ADAMTSL1: variants seen among roughly 807,000 people sequenced by gnomAD.
The protein encoded by ADAMTSL1 is ADAMTS like 1.
Under a neutral mutation model 201.8 loss-of-function variants are expected in ADAMTSL1, and 126 were observed. The ratio of observed to expected loss-of-function variants is 0.62; its 90% confidence interval spans 0.54 to 0.72. ADAMTSL1 has a LOEUF of 0.72. Ranked by LOEUF, ADAMTSL1 falls within the 30% of genes least tolerant of loss-of-function variation. ADAMTSL1 has a pLI of 0.00. For missense variants in ADAMTSL1, 2,679 were observed against 2,277.8 expected (o/e 1.18, Z -3.59); for synonymous variants, 1,121 against 903.4 (o/e 1.24, Z -4.32).
intron 1 of ADAMTSL1, among the ~76,000 whole-genome samples, chr9:17,927,465 G>A (rs912878590): frequency 6.6e-6 from 1 of 150,684 alleles, no homozygotes; most frequent in Non-Finnish European, 1.5e-5. Context: ...TGCATGCAGT[G>A]GAATATTTTA....
intron 1 of ADAMTSL1, among the ~76,000 whole-genome samples, chr9:18,475,963 A>G (rs1821429318): frequency 6.6e-6 from 1 of 152,152 alleles, no homozygotes; most frequent in African/African-American, 2.4e-5. Flanking sequence ...GTATTAGAGC[A>G]TATAATTTGA....
At position 18,684,744 on chromosome 9, in the gene ADAMTSL1, A is replaced by G. The variant is rs765299215; in HGVS notation, c.1518A>G (p.Pro506=). The change falls in exon 13 of 29, where the codon CCA becomes CCG. Residue 506 remains proline, a synonymous_variant. Transcript: ENST00000380548. ...AACTTCCAGTCGAGGCCAAGTTGCC[A>G]TGGTTCAAACAAGCTCAAGAGCTAG... is the stretch of plus-strand genomic sequence containing the variant. ...KEKLPVEAKL[P]WFKQAQELEE... is the part of the protein sequence containing the mutation. The G allele has an allele frequency of 5.0e-6, 8 of 1,613,244 alleles. No homozygotes were observed. Among genetic ancestry groups the G allele is most frequent in the South Asian group, 1.1e-5 (1 of 90,562 alleles).
chr9:18,245,753 G>A (rs1231376592), intron 2 of ADAMTSL1, among the ~76,000 whole-genome samples: 1 of 151,582 alleles, frequency 6.6e-6, no homozygotes, highest in Non-Finnish European at 1.5e-5. Flanking sequence ...AAGGAATCTG[G>A]TCTAAATTTT....
chr9:18,611,894 A>G (rs1825400271), intron 4 of ADAMTSL1, among the ~76,000 whole-genome samples: 1 of 152,168 alleles, frequency 6.6e-6, no homozygotes, highest in African/African-American at 2.4e-5. Context: ...TGTAGGTTGG[A>G]TGCAGAAAGA....
intron 13 of ADAMTSL1, among the ~76,000 whole-genome samples, chr9:18,689,233 T>C (rs1213537339): frequency 6.6e-6 from 1 of 152,190 alleles, no homozygotes; most frequent in Admixed American, 6.5e-5. Context: ...GTTTTAGTCT[T>C]GGTTGAGATG....
chr9:18,019,346 A>G (rs1181435585), intron 1 of ADAMTSL1, among the ~76,000 whole-genome samples: 2 of 152,090 alleles, frequency 1.3e-5, no homozygotes, highest in African/African-American at 4.8e-5. Context: ...AACAAATGAT[A>G]CTAAAATTAA....
At chr9:18,887,184 C>T (rs1828951497) in intron 23 of ADAMTSL1, among the ~76,000 whole-genome samples, 1 of 152,188 alleles carries the variant, frequency 6.6e-6, no homozygotes, top group African/African-American at 2.4e-5. Context: ...CGATTCTATG[C>T]TACAAAGTCT....
intron 2 of ADAMTSL1, among the ~76,000 whole-genome samples, chr9:18,364,558 A>G (rs1836684163): frequency 6.6e-6 from 1 of 152,210 alleles, no homozygotes; most frequent in African/African-American, 2.4e-5. Flanking sequence ...AGGTCCAATC[A>G]GTAAAAACAA....
At chr9:18,842,942 T>C (rs1825827303) in intron 23 of ADAMTSL1, among the ~76,000 whole-genome samples, 2 of 152,138 alleles carry the variant, frequency 1.3e-5, no homozygotes, top group Non-Finnish European at 2.9e-5. Context: ...GCGCGTGAGA[T>C]GGGTTTCCTG....
chr9:18,304,820 GA>G (rs1264986380), intron 2 of ADAMTSL1, among the ~76,000 whole-genome samples: 1 of 152,040 alleles, frequency 6.6e-6, no homozygotes, highest in Non-Finnish European at 1.5e-5. Flanking sequence ...TCTAAATTAG[GA>G]AAGTTTTTAC....
At chr9:18,283,916 TAAA>T (rs71333034) in intron 2 of ADAMTSL1, among the ~76,000 whole-genome samples, 1 of 26,626 alleles carries the variant, frequency 3.8e-5, no homozygotes, top group Non-Finnish European at 7.2e-5. Context: ...AGACTCCGTC[TAAA>T]AAAAAAAAAA....
At chr9:18,317,290 A>G (rs1834440271) in intron 2 of ADAMTSL1, among the ~76,000 whole-genome samples, 1 of 152,160 alleles carries the variant, frequency 6.6e-6, no homozygotes, top group Admixed American at 6.5e-5. Flanking sequence ...CCGTTATCAA[A>G]TCAACAAGTT....
chr9:18,049,616 A>C lies in ADAMTSL1; in HGVS notation c.88-114246A>C, dbSNP rs1390041493. 2.9e-5 allele frequency among the ~76,000 whole-genome samples: 4 copies of C among 136,468 alleles called. No homozygotes were observed. In the East Asian group the frequency reaches 8.0e-4, roughly 27 times the overall value. The allele number at this position is 136,468 out of a possible 152,430, so 89.5% of individuals were successfully genotyped here. On this transcript the variant is annotated intron_variant, in intron 1 of 29. Coordinates refer to the ADAMTSL1 transcript ENST00000680146. ...TGAGGCTTCCTGTCTTCGACTTCTT[A>C]TTCTTTTTTTTTTTTTTCTTTTTTT... is the stretch of plus-strand genomic sequence containing the variant.
In ADAMTSL1 at chr9:18,889,530, C is replaced by A; in HGVS notation, c.4463-38C>A. Reference sequence around the variant, plus strand: ...GGAATTCAGAGTGTGGGCAATTATGCTATATTCTTTTCTACACTGCTCCTC... The same window carrying A: ...GGAATTCAGAGTGTGGGCAATTATGATATATTCTTTTCTACACTGCTCCTC... On this transcript the variant is annotated intron_variant, in intron 24 of 28. Coordinates refer to ENST00000380548, the MANE Select transcript of ADAMTSL1 (RefSeq NM_001040272.6). 3 of 1,604,546 alleles carry A rather than the reference C, an allele frequency of 1.9e-6. No homozygotes were observed. The South Asian group carries it at 3.3e-5, about 18-fold the overall frequency.
chr9:18,375,102 A>G (rs896844751), intron 2 of ADAMTSL1, among the ~76,000 whole-genome samples: 3 of 152,236 alleles, frequency 2.0e-5, no homozygotes, highest in African/African-American at 7.2e-5. Flanking sequence ...TCATATAGAC[A>G]AGAAGAATGT....
intron 2 of ADAMTSL1, among the ~76,000 whole-genome samples, chr9:18,306,014 A>G (rs1833894938): frequency 6.6e-6 from 1 of 152,184 alleles, no homozygotes; most frequent in Admixed American, 6.5e-5. Flanking sequence ...AGGAAGGAAC[A>G]GGCAGCAATT....
Position 18,574,218 on chromosome 9 carries a change from G to T in ADAMTSL1, c.426G>T (p.Thr142=). The change falls in exon 4 of 29, where the codon ACG becomes ACT. Residue 142 remains threonine, a synonymous_variant. Transcript: ENST00000380548. ...VELAPKVLDG[T]RCYTESLDMC... is the part of the protein sequence containing the mutation. ...TAGCACCTAAGGTCTTAGATGGTAC[G>T]CGTTGCTATACAGAATCTTTGGATA... The T allele has an allele frequency of 6.2e-7, 1 of 1,614,144 alleles. No homozygotes were observed. Among genetic ancestry groups the T allele is most frequent in the East Asian group, 2.2e-5 (1 of 44,868 alleles).
At chr9:18,797,985 A>G (rs571558110) in intron 20 of ADAMTSL1, among the ~76,000 whole-genome samples, 1 of 152,216 alleles carries the variant, frequency 6.6e-6, no homozygotes, top group Non-Finnish European at 1.5e-5. Context: ...TTAGAAACTG[A>G]TTCAGTTCAC....
At chr9:18,085,698 A>G (rs143009510) in intron 1 of ADAMTSL1, among the ~76,000 whole-genome samples, 311 of 150,072 alleles carry the variant, frequency 2.1e-3, no homozygotes, top group Non-Finnish European at 3.5e-3. Context: ...GTGTGTGTGT[A>G]TATATATATA....
Sources: allele counts gnomAD v4.1 joint callset (sites outside exome capture counted in the v4.1 genomes callset), GRCh38; gene constraint gnomAD v4.1.1; transcripts MANE v1.5; gene names NCBI Gene and HGNC (gene_info 2026-07-23, HGNC 2026-07-21).